Variants in CENPQ observed in about 807,000 individuals in gnomAD.
The protein encoded by CENPQ is chromosome 6 open reading frame 139.
A neutral mutation model predicts 36.6 loss-of-function variants in CENPQ; 27 were observed. The ratio of observed to expected loss-of-function variants is 0.74; its 90% CI spans 0.54 to 1.02. The LOEUF (loss-of-function observed/expected upper bound fraction) is 1.02, where lower values mean the gene tolerates loss of function less well. Ranked by LOEUF, CENPQ falls within the 50% of genes least tolerant of loss-of-function variation. The pLI is 0.00. For missense variants in CENPQ, 306 were observed against 301.8 expected (o/e 1.01, Z -0.10); for synonymous variants, 101 against 101.7 (o/e 0.99, Z 0.04).
chr6:49,481,226 G>T, intron 6 of CENPQ, 146 bp downstream of exon 6: 1 of 717,544 alleles, frequency 1.4e-6, no homozygotes, highest in Non-Finnish European at 2.1e-6. Context: ...TTTTGTTGTT[G>T]TTTTCATTAA....
intron 8 of CENPQ, 111 bp from the exon 9 acceptor site, chr6:49,492,033 G>T: frequency 1.3e-6 from 1 of 778,032 alleles, no homozygotes; most frequent in Non-Finnish European, 2.0e-6. Context: ...GACAATTATT[G>T]AAGTTGGATG....
intron 1 of CENPQ, among the ~76,000 whole-genome samples, chr6:49,464,807 T>C (rs977251275): frequency 2.0e-5 from 3 of 152,218 alleles, no homozygotes; most frequent in African/African-American, 7.2e-5. Flanking sequence ...AGATCTTTCA[T>C]CACTTCCTCC....
At chr6:49,473,128 T>A (rs1288505665) in intron 5 of CENPQ, among the ~76,000 whole-genome samples, 1 of 152,170 alleles carries the variant, frequency 6.6e-6, no homozygotes, top group Non-Finnish European at 1.5e-5. Context: ...GAAAACAGTT[T>A]TGTCAACTTG....
At position 49,472,807 on chromosome 6, in the gene CENPQ, G is replaced by A. The variant is rs571942939; in HGVS notation, c.296G>A (p.Ser99Asn). Residue 99 changes from serine (S) to asparagine (N), a missense_variant, in exon 5 of 9, where the codon AGT becomes AAT. Transcript: ENST00000335783. ...ESVIMTILSN[S>N]IKEKEEIQYH... The stretch of plus-strand genomic sequence containing the variant: ...TTTTCTAGGACAATTTTGAGTAACA[G>A]TATTAAAGAAAAAGAAGAAATACAA... 120 of 1,455,588 alleles carry A rather than the reference G, an allele frequency of 8.2e-5. 1 individual carries two copies. The South Asian group carries it at 1.3e-3, about 15-fold the overall frequency. The allele number at this position is 1,455,588 out of a possible 1,614,324, so 90.2% of individuals were successfully genotyped here. A position where few individuals can be genotyped will look rare whatever the true frequency, so the allele number is the denominator to read the frequency against.
intron 4 of CENPQ, among the ~76,000 whole-genome samples, chr6:49,472,457 G>T (rs994449961): frequency 2.0e-5 from 3 of 152,060 alleles, no homozygotes; most frequent in African/African-American, 7.2e-5. Flanking sequence ...GATTCTTTAG[G>T]AAGAAGTTGA....
chr6:49,488,772 G>A, intron 8 of CENPQ, 88 bp downstream of exon 8: 1 of 971,920 alleles, frequency 1.0e-6, no homozygotes, highest in Non-Finnish European at 1.7e-6. Flanking sequence ...AGCAAATACT[G>A]CAATAACGCA....
intron 6 of CENPQ, among the ~76,000 whole-genome samples, chr6:49,482,798 C>T (rs569857420): frequency 2.0e-5 from 3 of 152,176 alleles, no homozygotes; most frequent in Non-Finnish European, 2.9e-5. Context: ...CACAGACCCT[C>T]GTGGTGAGTG....
chr6:49,478,088 C>T (rs1768347042), intron 5 of CENPQ, among the ~76,000 whole-genome samples: 1 of 152,170 alleles, frequency 6.6e-6, no homozygotes, highest in South Asian at 2.1e-4. Flanking sequence ...TTTTTACTTT[C>T]ACAGCTTGCT....
At chr6:49,484,522 C>T (rs1581854408) in intron 6 of CENPQ, among the ~76,000 whole-genome samples, 1 of 152,276 alleles carries the variant, frequency 6.6e-6, no homozygotes, top group East Asian at 1.9e-4. Context: ...ATCTCTTAGA[C>T]ATTTTGAAGT....
chr6:49,485,515 C>T (rs1020465316), intron 6 of CENPQ, among the ~76,000 whole-genome samples: 8 of 151,832 alleles, frequency 5.3e-5, no homozygotes, highest in South Asian at 2.1e-4. Flanking sequence ...CAAAAAGACA[C>T]GTGCCTAGAA....
Position 49,493,060 on chromosome 6 carries a change from T to G in CENPQ, c.*785T>G, listed in dbSNP as rs200487614. On this transcript the variant is annotated 3_prime_UTR_variant, in exon 9 of 9. Transcript: ENST00000335783. The stretch of plus-strand genomic sequence containing the variant: ...AACTACAGTATACTGTCTTGGGTTT[T>G]TTTTTTTTTTTTTAGTCTGTAAAAT... The G allele has an allele frequency of 0.3, 44,459 of 150,016 alleles. 8,375 individuals are homozygous for G. The highest frequency in any genetic ancestry group is 0.52 in the East Asian group (2,626 of 5,098). 9.3% of individuals were successfully genotyped at this position (150,016 alleles called of 1,614,324 possible). A position where few individuals can be genotyped will look rare whatever the true frequency, so the allele number is the denominator to read the frequency against.
chr6:49,466,528 C>T (rs534096695), intron 1 of CENPQ, among the ~76,000 whole-genome samples: 14 of 152,336 alleles, frequency 9.2e-5, no homozygotes, highest in South Asian at 2.1e-4. Context: ...GCTCACTTGC[C>T]TCTTTATAAC....
intron 6 of CENPQ, among the ~76,000 whole-genome samples, chr6:49,484,022 T>G (rs1428230997): frequency 6.6e-6 from 1 of 152,254 alleles, no homozygotes; most frequent in African/African-American, 2.4e-5. Flanking sequence ...CTGAACTATC[T>G]TAGTATTTTT....
intron 1 of CENPQ, among the ~76,000 whole-genome samples, chr6:49,469,825 G>A (rs1389135933): frequency 6.6e-6 from 1 of 152,008 alleles, no homozygotes; most frequent in Non-Finnish European, 1.5e-5. Flanking sequence ...CTTAAACATG[G>A]AGAGGATGTT....
At chr6:49,487,712 A>G (rs367544646) in intron 6 of CENPQ, among the ~76,000 whole-genome samples, 1 of 152,302 alleles carries the variant, frequency 6.6e-6, no homozygotes, top group East Asian at 1.9e-4. Context: ...AATACCCTTT[A>G]GAAACCTGGA....
chr6:49,477,335 C>T (rs1768319336), intron 5 of CENPQ, among the ~76,000 whole-genome samples: 2 of 150,222 alleles, frequency 1.3e-5, no homozygotes, highest in Non-Finnish European at 2.9e-5. Context: ...AAACCAAACA[C>T]CGCATATTCT....
intron 5 of CENPQ, among the ~76,000 whole-genome samples, chr6:49,477,229 A>C (rs2127425517): frequency 6.6e-6 from 1 of 152,284 alleles, no homozygotes; most frequent in African/African-American, 2.4e-5. Context: ...ACCATGGAAT[A>C]CTATGCAGCC....
At chr6:49,483,967 A>G (rs140859142) in intron 6 of CENPQ, among the ~76,000 whole-genome samples, 118 of 152,364 alleles carry the variant, frequency 7.7e-4, no homozygotes, top group African/African-American at 2.7e-3. Context: ...CTGCCAGCAC[A>G]CTGTCACCTG....
intron 8 of CENPQ, among the ~76,000 whole-genome samples, chr6:49,489,122 T>C (rs1768660949): frequency 6.6e-6 from 1 of 152,232 alleles, no homozygotes; most frequent in South Asian, 2.1e-4. Context: ...AAGTTTTCCC[T>C]GTAGCATGTG....
Sources: allele counts gnomAD v4.1 joint callset (sites outside exome capture counted in the v4.1 genomes callset), GRCh38; gene constraint gnomAD v4.1.1; transcripts MANE v1.5; gene names NCBI Gene and HGNC (gene_info 2026-07-23, HGNC 2026-07-21).